The following TF variants were observed in gnomAD, a reference collection of about 807,000 sequenced individuals.
TF encodes the protein serotransferrin.
In TF, 55 loss-of-function variants were observed where a neutral mutation model predicts 82.4. The observed-to-expected ratio is 0.67, with a 90% CI of 0.54 to 0.84. The LOEUF (loss-of-function observed/expected upper bound fraction) is 0.84, where lower values mean the gene tolerates loss of function less well. TF is among the 40% of genes least tolerant of loss of function. The probability of loss-of-function intolerance (pLI) is 0.00; values close to 1 mark genes in which losing one functional copy is unlikely to be tolerated. For synonymous variants in TF, 332 were observed against 332.6 expected (o/e 1.00, Z 0.02); for missense variants, 737 against 868.4 (o/e 0.85, Z 1.90).
chr3:133,757,542 C>T (rs1243709071), intron 7 of TF, among the ~76,000 whole-genome samples: 1 of 152,218 alleles, frequency 6.6e-6, no homozygotes, highest in Admixed American at 6.5e-5. Context: ...ATGTCTCAAC[C>T]CGTTCCGGGA....
In TF at chr3:133,789,878, C is replaced by CTT. The variant is rs1559884865; in HGVS notation, c.*11258_*11259insTT. 1 of 52,406 alleles carries CTT rather than the reference C, an allele frequency of 1.9e-5. No individual in the cohort carries two copies. The highest frequency in any genetic ancestry group is 3.3e-5 in the Non-Finnish European group (1 of 30,040). 3.2% of individuals were successfully genotyped at this position (52,406 alleles called of 1,614,324 possible). On this transcript the variant is annotated 3_prime_UTR_variant, in exon 17 of 17. Transcript: ENST00000402696. Reference sequence around the variant, plus strand: ...AGCCAAAACAAAACGATCTCGTTTGCGTTTTTTTTTTTTTTTTTTTTTTTT... The same window carrying CTT: ...AGCCAAAACAAAACGATCTCGTTTGCTTGTTTTTTTTTTTTTTTTTTTTTTTT...
chr3:133,674,040 A>G, the TF span, among the ~76,000 whole-genome samples: 32 of 152,166 alleles, frequency 2.1e-4, 1 homozygote, highest in African/African-American at 5.8e-4. Flanking sequence ...GGAGTGGTCC[A>G]TTCTCTCGAT....
chr3:133,754,188 G>C (rs1409597708), intron 3 of TF: 1 of 444,658 alleles, frequency 2.2e-6, no homozygotes, highest in East Asian at 4.7e-5. Context: ...CAGTTTCCTG[G>C]TGGCTGAGGT....
the TF span, among the ~76,000 whole-genome samples, chr3:133,717,521 C>T: frequency 3.9e-5 from 6 of 152,220 alleles, no homozygotes; most frequent in Non-Finnish European, 5.9e-5. Context: ...TTGCAACCAG[C>T]AGTCCCAATG....
chr3:133,737,484 G>T, the TF span, among the ~76,000 whole-genome samples: 2 of 149,660 alleles, frequency 1.3e-5, no homozygotes, highest in Non-Finnish European at 3.0e-5. Context: ...GCTGTGGGAG[G>T]TAGAGACACA....
the TF span, among the ~76,000 whole-genome samples, chr3:133,689,135 G>A: frequency 6.6e-6 from 1 of 152,038 alleles, no homozygotes; most frequent in Non-Finnish European, 1.5e-5. Flanking sequence ...AGACCAGCCT[G>A]TCCAACATGG....
At chr3:133,774,908 G>A in intron 14 of TF, 1 of 362,076 alleles carries the variant, frequency 2.8e-6, no homozygotes, top group Non-Finnish European at 5.4e-6. Context: ...AGGCAAAGGG[G>A]CCGAGATGGG....
chr3:133,725,437 T>C, the TF span, among the ~76,000 whole-genome samples: 1 of 152,094 alleles, frequency 6.6e-6, no homozygotes, highest in African/African-American at 2.4e-5. Flanking sequence ...GGGAGTTCAC[T>C]CATGATTTGG....
the TF span, among the ~76,000 whole-genome samples, chr3:133,713,878 A>G: frequency 6.6e-6 from 1 of 152,154 alleles, no homozygotes; most frequent in Non-Finnish European, 1.5e-5. Flanking sequence ...CTTCTGTCTC[A>G]AAGCCACACA....
chr3:133,752,196 G>A (rs7618054), intron 2 of TF, among the ~76,000 whole-genome samples: 10,115 of 150,696 alleles, frequency 0.067, 377 homozygotes, highest in South Asian at 0.13. Flanking sequence ...AGGTTCAAGC[G>A]ATTCTCCTGC....
Position 133,787,922 on chromosome 3 carries a change from G to A in TF, c.*9302G>A, listed in dbSNP as rs1440619523. The A allele has an allele frequency of 6.6e-6, 1 of 152,158 alleles. No homozygotes were observed. The highest frequency in any genetic ancestry group is 1.5e-5 in the Non-Finnish European group (1 of 68,022). 9.4% of individuals were successfully genotyped at this position (152,158 alleles called of 1,614,324 possible). On this transcript the variant is annotated 3_prime_UTR_variant, in exon 17 of 17. Coordinates refer to ENST00000402696, the MANE Select transcript of TF (RefSeq NM_001063.4). ...TATAAAAAGACTATCTTCTGAAAAC[G>A]ACTTTTGGAAGTGAAATGATAACAT... is the stretch of plus-strand genomic sequence containing the variant.
chr3:133,674,391 G>C, the TF span, among the ~76,000 whole-genome samples: 6 of 152,228 alleles, frequency 3.9e-5, no homozygotes, highest in African/African-American at 1.4e-4. Context: ...GGGCTGGGAA[G>C]GGGGCGGGAG....
chr3:133,765,057 G>A, intron 11 of TF, 150 bp downstream of exon 11: 1 of 801,330 alleles, frequency 1.2e-6, no homozygotes, highest in South Asian at 1.6e-5. Flanking sequence ...AATGGATAAT[G>A]ATGGTTATCC....
the TF span, among the ~76,000 whole-genome samples, chr3:133,730,754 T>A: frequency 6.6e-6 from 1 of 150,662 alleles, no homozygotes; most frequent in African/African-American, 2.5e-5. Context: ...CAAGCATGCA[T>A]ACACACACAT....
chr3:133,755,968 C>T (rs564459795), intron 5 of TF, among the ~76,000 whole-genome samples: 3 of 152,286 alleles, frequency 2.0e-5, no homozygotes, highest in Non-Finnish European at 2.9e-5. Context: ...TTACAACCAG[C>T]CAAAGGCACA....
chr3:133,684,078 A>T, the TF span, among the ~76,000 whole-genome samples: 5 of 152,302 alleles, frequency 3.3e-5, no homozygotes, highest in South Asian at 2.1e-4. Context: ...ACATGGAAAC[A>T]GAACAACCTG....
chr3:133,665,542 C>G, the TF span, among the ~76,000 whole-genome samples: 1 of 151,716 alleles, frequency 6.6e-6, no homozygotes, highest in Admixed American at 6.6e-5. Context: ...CCCTCACTTT[C>G]CTGGCATTTA....
the TF span, among the ~76,000 whole-genome samples, chr3:133,711,541 C>T: frequency 2.0e-4 from 30 of 152,114 alleles, no homozygotes; most frequent in African/African-American, 6.8e-4. Context: ...CCTCATCCTC[C>T]GCATAGCCAT....
the TF span, among the ~76,000 whole-genome samples, chr3:133,689,479 T>G: frequency 6.6e-6 from 1 of 152,170 alleles, no homozygotes; most frequent in Non-Finnish European, 1.5e-5. Context: ...AGTTAACTCA[T>G]AAATTTAGTA....
Sources: gnomAD v4.1 joint callset for allele counts (sites outside exome capture counted in the v4.1 genomes callset) on GRCh38, gnomAD v4.1.1 for gene constraint, MANE v1.5 for transcripts, NCBI Gene and HGNC (gene_info 2026-07-23, HGNC 2026-07-21) for gene names.